The following CFAP221 variants were observed in gnomAD, a reference collection of about 807,000 sequenced individuals.
The protein encoded by CFAP221 is cilia- and flagella-associated protein 221.
In CFAP221, 97 loss-of-function variants were observed where a neutral mutation model predicts 113.1. That is an observed-to-expected ratio of 0.86 (90% CI 0.73 to 1.02). The LOEUF is 1.02. Among genes scored for constraint, CFAP221 ranks in the 50% least tolerant of loss-of-function variants. The pLI is 0.00. For missense variants in CFAP221, 1,025 were observed against 1,013.4 expected, an observed-to-expected ratio of 1.01 and a Z score of -0.16; for synonymous variants, 331 against 354.4, an observed-to-expected ratio of 0.93 and a Z score of 0.74.
chr2:119,570,287 C>A (rs185150783), intron 6 of CFAP221, among the ~76,000 whole-genome samples: 23 of 152,272 alleles, frequency 1.5e-4, no homozygotes, highest in African/African-American at 5.1e-4. Context: ...TTTCATTCTC[C>A]CATGTGAAGA....
intron 3 of CFAP221, among the ~76,000 whole-genome samples, chr2:119,550,475 A>T (rs555817714): frequency 6.6e-6 from 1 of 152,300 alleles, no homozygotes; most frequent in African/African-American, 2.4e-5. Context: ...AAGGATTAGG[A>T]TTTGAAACTC....
intron 6 of CFAP221, among the ~76,000 whole-genome samples, chr2:119,571,868 C>T (rs1682083005): frequency 6.6e-6 from 1 of 152,242 alleles, no homozygotes; most frequent in South Asian, 2.1e-4. Context: ...TATGTTTTCC[C>T]TTTCACATAG....
At chr2:119,567,900 A>G (rs1025569817) in intron 6 of CFAP221, among the ~76,000 whole-genome samples, 6 of 152,002 alleles carry the variant, frequency 3.9e-5, no homozygotes, top group Middle Eastern at 3.4e-3. Context: ...CATGTATTTT[A>G]TGTGATTCCA....
At chr2:119,611,869 C>T (rs1362929859) in intron 13 of CFAP221, 127 bp downstream of exon 13, 5 of 760,038 alleles carry the variant, frequency 6.6e-6, no homozygotes, top group Non-Finnish European at 8.7e-6. Context: ...AATTTGCATA[C>T]ATTTTCAGAA....
chr2:119,594,706 G>T (rs1032132191), intron 7 of CFAP221, among the ~76,000 whole-genome samples: 4 of 152,222 alleles, frequency 2.6e-5, no homozygotes, highest in Admixed American at 2.0e-4. Context: ...TAATGTGGAA[G>T]AAGGGATAAT....
intron 6 of CFAP221, among the ~76,000 whole-genome samples, chr2:119,568,241 G>A (rs1457301850): frequency 6.6e-6 from 1 of 152,126 alleles, no homozygotes; most frequent in African/African-American, 2.4e-5. Context: ...TGAACAAACT[G>A]TTAGCTGTTA....
chr2:119,650,177 A>G (rs1433472081), intron 22 of CFAP221, among the ~76,000 whole-genome samples: 2 of 152,238 alleles, frequency 1.3e-5, no homozygotes, highest in Non-Finnish European at 2.9e-5. Flanking sequence ...TTATAAACAC[A>G]TACTATATTG....
At chr2:119,627,616 T>C (rs1686405620) in intron 15 of CFAP221, 37 bp from the exon 16 acceptor site, 1 of 1,602,922 alleles carries the variant, frequency 6.2e-7, no homozygotes, top group South Asian at 1.1e-5. Context: ...AAAATACCTT[T>C]AGTACCCCCT....
rs1191133261 is a variant in CFAP221, at chr2:119,625,662, G to A, written c.1490G>A (p.Gly497Asp). The A allele has an allele frequency of 1.2e-5, 19 of 1,612,370 alleles. No individual in the cohort carries two copies. Among genetic ancestry groups the A allele is most frequent in the Non-Finnish European group, 1.6e-5 (19 of 1,178,526 alleles). The change falls in exon 15 of 24, where the codon GGC becomes GAC. Residue 497 changes from glycine to aspartate, a missense_variant. By Grantham distance (94) the Gly-to-Asp change is moderately conservative (BLOSUM62 -1). Coordinates refer to ENST00000413369, the MANE Select transcript of CFAP221 (RefSeq NM_001271049.2). ...AAAGAGAGTATACTGAGAAAGATTG[G>A]CCAAGCAAAACAATCGATAGCACAA... ...MDKESILRKI[G>D]QAKQSIAQEA...
intron 2 of CFAP221, among the ~76,000 whole-genome samples, chr2:119,547,583 T>TA (rs1680139585): frequency 6.6e-6 from 1 of 152,020 alleles, no homozygotes; most frequent in South Asian, 2.1e-4. Flanking sequence ...AATCAATCAA[T>TA]AAAAATAAAT....
chr2:119,641,559 C>G (rs1205395809), intron 21 of CFAP221, among the ~76,000 whole-genome samples: 1 of 152,160 alleles, frequency 6.6e-6, no homozygotes, highest in Non-Finnish European at 1.5e-5. Context: ...CTAATGAAGC[C>G]CTTCGAGCAA....
chr2:119,588,282 G>T (rs1406931314), intron 7 of CFAP221, among the ~76,000 whole-genome samples: 1 of 152,198 alleles, frequency 6.6e-6, no homozygotes, highest in Non-Finnish European at 1.5e-5. Flanking sequence ...AGACAGGTCA[G>T]CGTGCAGGTT....
At chr2:119,559,105 A>C (rs1454542658) in intron 3 of CFAP221, among the ~76,000 whole-genome samples, 1 of 152,230 alleles carries the variant, frequency 6.6e-6, no homozygotes, top group Non-Finnish European at 1.5e-5. Context: ...CTTTCCTCAG[A>C]GACCCAGCTG....
intron 6 of CFAP221, among the ~76,000 whole-genome samples, chr2:119,584,484 G>A (rs1316099431): frequency 6.6e-6 from 1 of 152,012 alleles, no homozygotes; most frequent in African/African-American, 2.4e-5. Context: ...CTACTCAGGA[G>A]ACTGAGGTGG....
chr2:119,606,977 C>T (rs566258814), intron 11 of CFAP221, among the ~76,000 whole-genome samples: 26 of 152,064 alleles, frequency 1.7e-4, no homozygotes, highest in Non-Finnish European at 2.8e-4. Flanking sequence ...AAGCTTCACC[C>T]CAAAATACTT....
chr2:119,613,221 T>C (rs568449446), intron 13 of CFAP221, among the ~76,000 whole-genome samples: 2 of 152,338 alleles, frequency 1.3e-5, no homozygotes, highest in African/African-American at 4.8e-5. Flanking sequence ...CAGACTGGCA[T>C]TGAGTGTCTG....
chr2:119,557,493 G>A (rs1037611695), intron 3 of CFAP221: 3 of 152,178 alleles, frequency 2.0e-5, no homozygotes, highest in Non-Finnish European at 4.4e-5. Flanking sequence ...TCATTCTAAA[G>A]GATATTGGTC....
chr2:119,562,218 C>A, intron 6 of CFAP221, 104 bp downstream of exon 6: 1 of 568,642 alleles, frequency 1.8e-6, no homozygotes, highest in Admixed American at 3.9e-5. Context: ...TTCATCCTTC[C>A]ACCTGAAATA....
At chr2:119,596,677 TA>T (rs1684005521) in intron 7 of CFAP221, among the ~76,000 whole-genome samples, 2 of 152,234 alleles carry the variant, frequency 1.3e-5, no homozygotes, top group Admixed American at 1.3e-4. Flanking sequence ...GAGAAAGGAA[TA>T]AAAGATTAAA....
Sources: allele counts gnomAD v4.1 joint callset (sites outside exome capture counted in the v4.1 genomes callset), GRCh38; gene constraint gnomAD v4.1.1; transcripts MANE v1.5; gene names NCBI Gene and HGNC (gene_info 2026-07-23, HGNC 2026-07-21).